DISP1: variants seen among roughly 807,000 people sequenced by gnomAD.
The protein encoded by DISP1 is dispatched RND transporter family member 1.
Under a neutral mutation model 37.3 loss-of-function variants are expected in DISP1, and 30 were observed. The observed-to-expected ratio is 0.80, with a 90% CI of 0.60 to 1.09. The LOEUF (loss-of-function observed/expected upper bound fraction) is 1.09. Ranked by LOEUF, DISP1 falls within the 50% of genes least tolerant of loss-of-function variation. DISP1 has a pLI of 0.00. For missense variants in DISP1, 1,598 were observed against 1,879.5 expected (o/e 0.85, Z 2.77); for synonymous variants, 634 against 690.2 (o/e 0.92, Z 1.28).
At chr1:222,888,506 A>G (rs148881140) in intron 1 of DISP1, among the ~76,000 whole-genome samples, 356 of 152,246 alleles carry the variant, frequency 2.3e-3, no homozygotes, top group African/African-American at 8.2e-3. Context: ...AAATTTTTTT[A>G]TGGAGCAAAG....
At chr1:222,881,621 GT>G (rs371728790) in intron 1 of DISP1, among the ~76,000 whole-genome samples, 14 of 152,322 alleles carry the variant, frequency 9.2e-5, no homozygotes, top group African/African-American at 3.1e-4. Context: ...ACATTGTGAG[GT>G]AAGAGCCATG....
chr1:222,943,411 A>G (rs915991042), intron 3 of DISP1, 79 bp downstream of exon 3: 2 of 1,588,634 alleles, frequency 1.3e-6, no homozygotes, highest in Non-Finnish European at 1.7e-6. Context: ...TTTTCCTGAA[A>G]GGAGAGGAGA....
chr1:222,911,915 C>A (rs1016536546), intron 1 of DISP1, among the ~76,000 whole-genome samples: 1 of 152,006 alleles, frequency 6.6e-6, no homozygotes, highest in East Asian at 1.9e-4. Context: ...AGCATGAAAA[C>A]CAAATCATGT....
At chr1:222,902,399 G>T (rs1290109226) in intron 1 of DISP1, among the ~76,000 whole-genome samples, 1 of 152,138 alleles carries the variant, frequency 6.6e-6, no homozygotes, top group African/African-American at 2.4e-5. Flanking sequence ...CATGGGCAAG[G>T]ACTTCATGTC....
chr1:222,913,276 A>G (rs953206133), intron 1 of DISP1, among the ~76,000 whole-genome samples: 1 of 152,182 alleles, frequency 6.6e-6, no homozygotes, highest in Non-Finnish European at 1.5e-5. Context: ...GATATTAACA[A>G]ATTAAGCAAA....
At chr1:222,913,398 T>C (rs1453648834) in intron 1 of DISP1, among the ~76,000 whole-genome samples, 1 of 152,204 alleles carries the variant, frequency 6.6e-6, no homozygotes, top group Non-Finnish European at 1.5e-5. Context: ...ATCTAGAATA[T>C]GAACTTCCAA....
chr1:222,966,494 C>A (rs144889677), intron 3 of DISP1, among the ~76,000 whole-genome samples: 2 of 152,254 alleles, frequency 1.3e-5, no homozygotes, highest in African/African-American at 4.8e-5. Flanking sequence ...TAAAACATTA[C>A]TAGGACTTCA....
At chr1:222,843,432 ATAGAG>A (rs1667720393) in intron 1 of DISP1, among the ~76,000 whole-genome samples, 1 of 151,964 alleles carries the variant, frequency 6.6e-6, no homozygotes, top group East Asian at 1.9e-4. Flanking sequence ...CCATTTCTTT[ATAGAG>A]TAGTCTGTTT....
intron 3 of DISP1, among the ~76,000 whole-genome samples, chr1:222,975,312 T>TA (rs768422298): frequency 2.0e-5 from 3 of 152,198 alleles, no homozygotes; most frequent in Non-Finnish European, 4.4e-5. Flanking sequence ...AGGCGTGAGT[T>TA]ACCGCACCCA....
rs980577304 is a variant in DISP1, at chr1:222,999,808, C to A, written c.988-2577C>A. ...GGCATCCAACTCAGGGTAGAGAAAA[C>A]CAGTCACGATGTCTTTTCTCTGTCC... On this transcript the variant is annotated intron_variant, in intron 8 of 8. Transcript: ENST00000675850. Among the ~76,000 whole-genome samples, 32 of 152,236 alleles carry A rather than the reference C, an allele frequency of 2.1e-4. 1 individual carries two copies.
intron 1 of DISP1, among the ~76,000 whole-genome samples, chr1:222,881,443 G>C (rs1401304183): frequency 6.6e-6 from 1 of 152,150 alleles, no homozygotes; most frequent in Non-Finnish European, 1.5e-5. Flanking sequence ...TGATCCACCC[G>C]CTTCGGCCTC....
At chr1:222,916,929 C>G (rs1672523519) in intron 1 of DISP1, among the ~76,000 whole-genome samples, 1 of 152,150 alleles carries the variant, frequency 6.6e-6, no homozygotes, top group Non-Finnish European at 1.5e-5. Context: ...CTCATAAATG[C>G]AGAATGTTGG....
chr1:222,894,359 C>T (rs1671117496), intron 1 of DISP1, among the ~76,000 whole-genome samples: 1 of 152,202 alleles, frequency 6.6e-6, no homozygotes, highest in African/African-American at 2.4e-5. Flanking sequence ...CAGGCCAATG[C>T]TGAGCCACCC....
intron 3 of DISP1, among the ~76,000 whole-genome samples, chr1:222,957,454 T>A (rs1156948089): frequency 1.3e-5 from 2 of 152,122 alleles, no homozygotes; most frequent in Non-Finnish European, 1.5e-5. Flanking sequence ...CCAGGCGCAG[T>A]GGTGGACACC....
intron 1 of DISP1, among the ~76,000 whole-genome samples, chr1:222,922,134 G>A (rs1281761451): frequency 6.6e-6 from 1 of 152,136 alleles, no homozygotes; most frequent in Non-Finnish European, 1.5e-5. Flanking sequence ...TTGGAGTAAA[G>A]CAAATTCTGT....
intron 1 of DISP1, among the ~76,000 whole-genome samples, chr1:222,873,702 C>T (rs1027473908): frequency 6.6e-6 from 1 of 152,158 alleles, no homozygotes; most frequent in African/African-American, 2.4e-5. Flanking sequence ...GAATACAGCA[C>T]ACTGATGGGT....
chr1:222,981,398 C>T (rs1256304980), intron 3 of DISP1, among the ~76,000 whole-genome samples: 1 of 152,170 alleles, frequency 6.6e-6, no homozygotes, highest in African/African-American at 2.4e-5. Flanking sequence ...GTGCTTGCAA[C>T]TTCTGAGATT....
At chr1:222,816,888 A>G (rs754248539) in intron 1 of DISP1, among the ~76,000 whole-genome samples, 10 of 152,228 alleles carry the variant, frequency 6.6e-5, no homozygotes, top group African/African-American at 2.2e-4. Context: ...TAAGTAGACA[A>G]TATTGTTTAT....
intron 1 of DISP1, among the ~76,000 whole-genome samples, chr1:222,841,260 T>C (rs1421627423): frequency 1.3e-5 from 2 of 152,234 alleles, no homozygotes; most frequent in Non-Finnish European, 1.5e-5. Flanking sequence ...TAAGTAGTTT[T>C]ATTTTTTAGT....
Sources: allele counts gnomAD v4.1 joint callset (sites outside exome capture counted in the v4.1 genomes callset), GRCh38; gene constraint gnomAD v4.1.1; transcripts MANE v1.5; gene names NCBI Gene and HGNC (gene_info 2026-07-23, HGNC 2026-07-21).